ZNF423: variants seen among roughly 807,000 people sequenced by gnomAD.
ZNF423 encodes Ebf-associated zinc finger protein.
In ZNF423, 12 loss-of-function variants were observed where a neutral mutation model predicts 95.8. The ratio of observed to expected loss-of-function variants is 0.13; its 90% CI spans 0.08 to 0.20. The LOEUF (loss-of-function observed/expected upper bound fraction) is 0.20. ZNF423 is among the 10% of genes least tolerant of loss of function. ZNF423 has a pLI of 1.00. For synonymous variants in ZNF423, 749 were observed against 711.9 expected, an observed-to-expected ratio of 1.05 and a Z score of -0.83; for missense variants, 1,316 against 1,737.1, an observed-to-expected ratio of 0.76 and a Z score of 4.31.
chr16:49,531,615 C>G (rs1417112541), intron 5 of ZNF423, among the ~76,000 whole-genome samples: 1 of 152,056 alleles, frequency 6.6e-6, no homozygotes, highest in African/African-American at 2.4e-5. Context: ...CAGATTGGGC[C>G]GTTTATCTAT....
At chr16:49,558,246 T>C (rs1969901487) in intron 5 of ZNF423, among the ~76,000 whole-genome samples, 1 of 152,190 alleles carries the variant, frequency 6.6e-6, no homozygotes, top group African/African-American at 2.4e-5. Context: ...CATTTGATTG[T>C]CACAATCTCT....
intron 3 of ZNF423, among the ~76,000 whole-genome samples, chr16:49,657,919 T>C (rs964027385): frequency 2.6e-5 from 4 of 152,296 alleles, no homozygotes; most frequent in Middle Eastern, 3.4e-3. Flanking sequence ...CTGCCAGGAT[T>C]TGCCATGCTC....
At chr16:49,540,019 G>A (rs1437157983) in intron 5 of ZNF423, among the ~76,000 whole-genome samples, 1 of 152,162 alleles carries the variant, frequency 6.6e-6, no homozygotes, top group Non-Finnish European at 1.5e-5. Flanking sequence ...CAGAAGGGCA[G>A]AGAGGACCAG....
intron 4 of ZNF423, among the ~76,000 whole-genome samples, chr16:49,631,221 G>T (rs1972482826): frequency 6.6e-6 from 1 of 152,158 alleles, no homozygotes; most frequent in African/African-American, 2.4e-5. Context: ...TGCAGCTTCT[G>T]ACACAAGTAT....
At position 49,740,324 on chromosome 16, in the gene ZNF423, G is replaced by A. The variant is rs2033388191; in HGVS notation, c.101-9353C>T. On this transcript the variant is annotated intron_variant, in intron 2 of 7. Coordinates refer to ENST00000563137, the MANE Select transcript of ZNF423 (RefSeq NM_001379286.1). ...AGTGTTCGTTTGGGTCCTGCTCACA[G>A]AGAAGAACCCTCTCCTCCATGAACA... Among the ~76,000 whole-genome samples, 3 of 152,306 alleles carry A rather than the reference G, an allele frequency of 2.0e-5. No homozygotes were observed. In the South Asian group the frequency reaches 6.2e-4, roughly 32 times the overall value.
intron 3 of ZNF423, among the ~76,000 whole-genome samples, chr16:49,716,783 TG>T (rs2032720589): frequency 6.6e-6 from 1 of 152,084 alleles, no homozygotes; most frequent in African/African-American, 2.4e-5. Flanking sequence ...TGGGCTGGGG[TG>T]CTGGGGAGGC....
At chr16:49,776,771 G>A (rs911050419) in intron 2 of ZNF423, among the ~76,000 whole-genome samples, 10 of 152,244 alleles carry the variant, frequency 6.6e-5, no homozygotes, top group African/African-American at 1.7e-4. Context: ...GTGCAGGGGT[G>A]CAAATCTTTG....
At position 49,635,961 on chromosome 16, in the gene ZNF423, T is replaced by C. The variant is rs1198491459; in HGVS notation, c.3215A>G (p.Tyr1072Cys). ...SPNGQGLQKL[Y>C]KCALCLKEFR... ...CTCCTTGAGGCACAGGGCGCACTTG[T>C]AGAGCTTCTGCAGCCCCTGGCCATT... is the stretch of plus-strand genomic sequence containing the variant. Residue 1072 changes from tyrosine (Y) to cysteine (C), a missense_variant, in exon 4 of 8, where the codon TAC becomes TGC. Physicochemically the swap from Tyr to Cys is radical, Grantham distance 194. Around this residue, in one of 6 missense-constraint regions of ZNF423, gnomAD observed 620 missense variants for 775.6 expected, o/e 0.80. Coordinates refer to ENST00000563137, the MANE Select transcript of ZNF423 (RefSeq NM_001379286.1). This position sits in a 1 kb window ranked among gnomAD's most constrained non-coding sequence, Gnocchi z 4.8. 1.9e-6 allele frequency: 3 copies of C among 1,597,792 alleles called. No homozygotes were observed. The highest frequency in any genetic ancestry group is 2.2e-5 in the East Asian group (1 of 44,662).
intron 5 of ZNF423, among the ~76,000 whole-genome samples, chr16:49,531,303 C>T (rs916675064): frequency 4.6e-5 from 7 of 151,542 alleles, no homozygotes; most frequent in Non-Finnish European, 8.8e-5. Context: ...CAGGTCAAGT[C>T]CTGAGGTCCT....
At chr16:49,811,700 T>C (rs1195473140) in intron 1 of ZNF423, among the ~76,000 whole-genome samples, 1 of 151,902 alleles carries the variant, frequency 6.6e-6, no homozygotes, top group Non-Finnish European at 1.5e-5. Flanking sequence ...CTGGAATGGG[T>C]TAAAGTCTGA....
intron 5 of ZNF423, among the ~76,000 whole-genome samples, chr16:49,528,764 G>A (rs1397371536): frequency 6.6e-6 from 1 of 152,044 alleles, no homozygotes; most frequent in African/African-American, 2.4e-5. Flanking sequence ...AGGAAAACAG[G>A]GGGAGGGCCG....
At chr16:49,514,185 AACAC>A (rs10597628) in intron 7 of ZNF423, among the ~76,000 whole-genome samples, 164 of 143,000 alleles carry the variant, frequency 1.1e-3, no homozygotes, top group Middle Eastern at 3.5e-3. Flanking sequence ...CTGACCACCC[AACAC>A]ACACACACAC....
intron 3 of ZNF423, among the ~76,000 whole-genome samples, chr16:49,727,675 C>T (rs916734885): frequency 2.6e-5 from 4 of 152,208 alleles, no homozygotes; most frequent in South Asian, 2.1e-4. Context: ...GCTGCCTCCA[C>T]GTTCCAGCAG....
chr16:49,827,796 C>T (rs2035021517), intron 1 of ZNF423, among the ~76,000 whole-genome samples: 1 of 151,014 alleles, frequency 6.6e-6, no homozygotes, highest in African/African-American at 2.4e-5. Flanking sequence ...GTTATGTTGC[C>T]TTTTTTTTTC....
At chr16:49,773,337 G>A (rs1239362758) in intron 2 of ZNF423, among the ~76,000 whole-genome samples, 1 of 151,788 alleles carries the variant, frequency 6.6e-6, no homozygotes, top group African/African-American at 2.4e-5. Context: ...AAAACAAAAA[G>A]CAAACAAAAA....
chr16:49,804,892 T>C (rs1010069966), intron 1 of ZNF423, among the ~76,000 whole-genome samples: 1 of 31,242 alleles, frequency 3.2e-5, no homozygotes, highest in Non-Finnish European at 7.2e-5. Flanking sequence ...ATCCCACAGC[T>C]TTTTTTTTTT....
rs558176517 is a variant in ZNF423 at position 49,693,433 on chromosome 16, G to A, written c.301+37338C>T. Reference sequence around the variant, plus strand: ...TCAGGCTCCTGGTCCTGTCTTATGCGTGAATAAGGTTCAAAGGATGCTTAT... The same window carrying A: ...TCAGGCTCCTGGTCCTGTCTTATGCATGAATAAGGTTCAAAGGATGCTTAT... On this transcript the variant is annotated intron_variant, in intron 3 of 7. Coordinates refer to ENST00000563137, the MANE Select transcript of ZNF423 (RefSeq NM_001379286.1). Among the ~76,000 whole-genome samples the A allele has an allele frequency of 3.3e-5, 5 of 152,264 alleles. No homozygotes were observed. The South Asian group carries it at 6.2e-4, about 19-fold the overall frequency.
intron 1 of ZNF423, among the ~76,000 whole-genome samples, chr16:49,801,967 G>A (rs1326632054): frequency 1.3e-5 from 2 of 152,008 alleles, no homozygotes; most frequent in Non-Finnish European, 2.9e-5. Context: ...TCCCACTTCA[G>A]CCCCCCAAGT....
chr16:49,789,982 C>T (rs1234188332), intron 1 of ZNF423, among the ~76,000 whole-genome samples: 16 of 152,174 alleles, frequency 1.1e-4, no homozygotes, highest in African/African-American at 1.7e-4. Flanking sequence ...GAGCTGACAA[C>T]ATCAGAAGGC....
Sources: gnomAD v4.1 joint callset for allele counts (sites outside exome capture counted in the v4.1 genomes callset) on GRCh38, gnomAD v4.1.1 for gene constraint, gnomAD v4.1.1 regional missense constraint, Gnocchi (gnomAD v3.1) non-coding constraint, MANE v1.5 for transcripts, NCBI Gene and HGNC (gene_info 2026-07-23, HGNC 2026-07-21) for gene names.